Variants in KIN observed in about 807,000 individuals in gnomAD.
The protein encoded by KIN is Kin17 DNA and RNA binding protein.
Under a neutral mutation model 63.0 loss-of-function variants are expected in KIN, and 47 were observed. The observed-to-expected ratio is 0.75, with a 90% confidence interval of 0.59 to 0.95. The LOEUF (loss-of-function observed/expected upper bound fraction) is 0.95. Ranked by LOEUF, KIN falls within the 40% of genes least tolerant of loss-of-function variation. The probability of loss-of-function intolerance (pLI) is 0.00; values close to 1 mark genes in which losing one functional copy is unlikely to be tolerated. For missense variants in KIN, 408 were observed against 460.9 expected (o/e 0.89, Z 1.05); for synonymous variants, 160 against 157.7 (o/e 1.01, Z -0.11).
At chr10:7,760,334 C>T (rs1459700180) in intron 11 of KIN, among the ~76,000 whole-genome samples, 1 of 152,148 alleles carries the variant, frequency 6.6e-6, no homozygotes, top group Admixed American at 6.5e-5. Flanking sequence ...TTGCAAAATT[C>T]ATAAGATGGT....
At chr10:7,777,884 G>T (rs1288711821) in intron 5 of KIN, among the ~76,000 whole-genome samples, 1 of 147,498 alleles carries the variant, frequency 6.8e-6, no homozygotes, top group Non-Finnish European at 1.5e-5. Flanking sequence ...GGGCGACAGA[G>T]TGAGACTCCG....
At chr10:7,785,487 A>G (rs368813737) in intron 1 of KIN, among the ~76,000 whole-genome samples, 18 of 152,040 alleles carry the variant, frequency 1.2e-4, no homozygotes, top group East Asian at 3.9e-4. Context: ...CCTCTCTTCA[A>G]CAAGTCAATG....
intron 8 of KIN, among the ~76,000 whole-genome samples, chr10:7,768,447 G>C (rs928580945): frequency 6.6e-6 from 1 of 152,110 alleles, no homozygotes; most frequent in African/African-American, 2.4e-5. Context: ...CTTGAACCTG[G>C]GGAGCGGAGA....
intron 2 of KIN, among the ~76,000 whole-genome samples, chr10:7,781,836 C>T (rs1835902988): frequency 6.6e-6 from 1 of 150,916 alleles, no homozygotes; most frequent in Admixed American, 6.6e-5. Flanking sequence ...GTGGGTGGAT[C>T]ACCTGAGGTC....
chr10:7,758,675 CAAAAA>C (rs34194283), intron 12 of KIN, among the ~76,000 whole-genome samples: 3 of 126,362 alleles, frequency 2.4e-5, no homozygotes, highest in Non-Finnish European at 3.4e-5. Context: ...ATGGTCCATG[CAAAAA>C]AAAAAAAAAA....
intron 9 of KIN, among the ~76,000 whole-genome samples, chr10:7,765,746 TG>T (rs2130997120): frequency 6.6e-6 from 1 of 152,302 alleles, no homozygotes; most frequent in South Asian, 2.1e-4. Flanking sequence ...AACTCATTTC[TG>T]AAAACATAAC....
intron 9 of KIN, among the ~76,000 whole-genome samples, chr10:7,764,311 T>C (rs764722737): frequency 2.7e-4 from 41 of 152,202 alleles, no homozygotes; most frequent in Non-Finnish European, 2.9e-5. Context: ...TCCTCCAGAT[T>C]AGATATAGCT....
At position 7,774,968 on chromosome 10, in the gene KIN, A is replaced by G; in HGVS notation, c.608-77T>C. Reference sequence around the variant, plus strand: ...AAACTTCTCAGATAAGATACTACAAAGTGTTCACAGAGGAACTCCAGGACA... The same window carrying G: ...AAACTTCTCAGATAAGATACTACAAGGTGTTCACAGAGGAACTCCAGGACA... On this transcript the variant is annotated intron_variant, in intron 6 of 12. Coordinates refer to ENST00000379562, the MANE Select transcript of KIN (RefSeq NM_012311.4). 2.8e-6 allele frequency: 3 copies of G among 1,053,582 alleles called. No individual in the cohort carries two copies. In the South Asian group the frequency reaches 3.8e-5, roughly 13 times the overall value. 65.3% of individuals were successfully genotyped at this position (1,053,582 alleles called of 1,614,324 possible).
At chr10:7,762,335 G>A in intron 11 of KIN, 122 bp downstream of exon 11, 1 of 530,634 alleles carries the variant, frequency 1.9e-6, no homozygotes. Context: ...AGTTACGCTG[G>A]CAGTTAATGC....
chr10:7,765,777 A>G (rs540235517), intron 9 of KIN, among the ~76,000 whole-genome samples: 1 of 152,332 alleles, frequency 6.6e-6, no homozygotes, highest in South Asian at 2.1e-4. Flanking sequence ...TATAGCAAAA[A>G]TTGAAAATTC....
intron 7 of KIN, among the ~76,000 whole-genome samples, chr10:7,770,033 C>T (rs1306177544): frequency 6.6e-5 from 10 of 152,122 alleles, no homozygotes; most frequent in Admixed American, 3.9e-4. Context: ...CAGGTTCAAG[C>T]GATTCTCGTG....
In KIN at chr10:7,778,711, C is replaced by G. The variant is rs985708968; in HGVS notation, c.558+127G>C. 17 of 977,588 alleles carry G rather than the reference C, an allele frequency of 1.7e-5. No homozygotes were observed. The Admixed American group carries it at 3.8e-4, about 22-fold the overall frequency. The allele number at this position is 977,588 out of a possible 1,614,324, so 60.6% of individuals were successfully genotyped here. A position where few individuals can be genotyped will look rare whatever the true frequency, so the allele number is the denominator to read the frequency against. ...CTGAGATTGCGCTACTGCACTCCAG[C>G]CTGGGCGGCAGAGCAAGACTCCATC... On this transcript the variant is annotated intron_variant, in intron 5 of 12. Transcript: ENST00000379562.
intron 2 of KIN, among the ~76,000 whole-genome samples, chr10:7,782,134 C>T (rs188260723): frequency 2.6e-5 from 4 of 152,266 alleles, no homozygotes; most frequent in African/African-American, 9.6e-5. Flanking sequence ...TGTGTTGATA[C>T]ATCTAACCCA....
At chr10:7,756,305 T>C (rs1440205635) in intron 12 of KIN, among the ~76,000 whole-genome samples, 163 bp from the exon 13 acceptor site, 2 of 152,358 alleles carry the variant, frequency 1.3e-5, no homozygotes, top group East Asian at 1.9e-4. Flanking sequence ...GAATAATCTA[T>C]GGCATTCTCA....
rs372358625 is a variant in KIN, at chr10:7,762,584, A to C, written c.919-28T>G. On this transcript the variant is annotated intron_variant, in intron 10 of 12. Transcript: ENST00000379562. ...GTCATGTAAAATGAACACTTTTATA[A>C]TAGAAGAAATATGTGCACACTCATT... 2.4e-6 allele frequency: 3 copies of C among 1,269,114 alleles called. No homozygotes were observed. In the African/African-American group the frequency reaches 4.4e-5, roughly 19 times the overall value. 78.6% of individuals were successfully genotyped at this position (1,269,114 alleles called of 1,614,324 possible).
intron 8 of KIN, among the ~76,000 whole-genome samples, chr10:7,768,868 T>G (rs1407688516): frequency 6.6e-6 from 1 of 151,594 alleles, no homozygotes; most frequent in East Asian, 2.0e-4. Context: ...AATACAAAAA[T>G]TAGCCAGGTA....
At chr10:7,763,686 T>A in intron 10 of KIN, 37 bp downstream of exon 10, 1 of 1,215,732 alleles carries the variant, frequency 8.2e-7, no homozygotes, top group Non-Finnish European at 1.2e-6. Context: ...GACCCAAGCT[T>A]TTTTCACAAA....
rs183658820 is a variant in KIN at position 7,756,583 on chromosome 10, C to T, written c.1120-441G>A. Among the ~76,000 whole-genome samples the T allele has an allele frequency of 1.3e-3, 195 of 152,278 alleles. 2 individuals carry two copies. Among genetic ancestry groups the T allele is most frequent in the African/African-American group, 4.6e-3 (191 of 41,568 alleles). On this transcript the variant is annotated intron_variant, in intron 12 of 12. Coordinates refer to ENST00000379562, the MANE Select transcript of KIN (RefSeq NM_012311.4). ...CACACAGACATGGCAACTGGAGATGCCACTTGAGGGCAGTAGAGGCACTAG... is the reference window on the plus strand; with the variant it reads ...CACACAGACATGGCAACTGGAGATGTCACTTGAGGGCAGTAGAGGCACTAG...
rs1835265033 is a variant in KIN, at chr10:7,752,884, G to C, written c.*3196C>G. ...CCTTCGATGGAGACAAAACTAGGGAGACAGTAAAAAGATCAGCGGTCAGCA... is the reference window on the plus strand; with the variant it reads ...CCTTCGATGGAGACAAAACTAGGGACACAGTAAAAAGATCAGCGGTCAGCA... On this transcript the variant is annotated 3_prime_UTR_variant, in exon 13 of 13. Transcript: ENST00000379562. 1 of 152,202 alleles carries C rather than the reference G, an allele frequency of 6.6e-6. No homozygotes were observed. Among genetic ancestry groups the C allele is most frequent in the African/African-American group, 2.4e-5 (1 of 41,434 alleles). 9.4% of individuals were successfully genotyped at this position (152,202 alleles called of 1,614,324 possible).
Sources: gnomAD v4.1 joint callset for allele counts (sites outside exome capture counted in the v4.1 genomes callset) on GRCh38, gnomAD v4.1.1 for gene constraint, MANE v1.5 for transcripts, NCBI Gene and HGNC (gene_info 2026-07-23, HGNC 2026-07-21) for gene names.